The following CDH18 variants were observed in gnomAD, a reference collection of about 807,000 sequenced individuals.
CDH18 encodes the protein cadherin-18.
In CDH18, 31 loss-of-function variants were observed where a neutral mutation model predicts 67.9. That is an observed-to-expected ratio of 0.46 (90% CI 0.34 to 0.62). The LOEUF is 0.62. Ranked by LOEUF, CDH18 falls within the 20% of genes least tolerant of loss-of-function variation. CDH18 has a pLI of 0.01. For missense variants in CDH18, 890 were observed against 975.5 expected, an observed-to-expected ratio of 0.91 and a Z score of 1.17; for synonymous variants, 362 against 347.2, an observed-to-expected ratio of 1.04 and a Z score of -0.48.
chr5:19,611,681 C>A, intron 6 of CDH18, among the ~76,000 whole-genome samples: 1 of 152,020 alleles, frequency 6.6e-6, no homozygotes, highest in East Asian at 1.9e-4. Context: ...AGAGACAACT[C>A]CTCTGTAGGA....
chr5:19,574,797 C>A (rs7724888), intron 7 of CDH18, among the ~76,000 whole-genome samples: 1 of 151,432 alleles, frequency 6.6e-6, no homozygotes, highest in Non-Finnish European at 1.5e-5. Flanking sequence ...AATCCCAGCA[C>A]TTTGGGAGGC....
intron 5 of CDH18, among the ~76,000 whole-genome samples, chr5:19,690,099 A>T (rs1306753446): frequency 6.6e-6 from 1 of 151,190 alleles, no homozygotes; most frequent in Non-Finnish European, 1.5e-5. Flanking sequence ...ATATATATAC[A>T]TATATATAAA....
intron 12 of CDH18, among the ~76,000 whole-genome samples, chr5:19,482,129 T>A (rs1203162583): frequency 6.6e-6 from 1 of 152,062 alleles, no homozygotes; most frequent in Admixed American, 6.5e-5. Flanking sequence ...TATTATTATT[T>A]TTTTGAGACT....
intron 11 of CDH18, among the ~76,000 whole-genome samples, chr5:19,496,295 C>T (rs1028816021): frequency 6.6e-6 from 1 of 152,144 alleles, no homozygotes; most frequent in African/African-American, 2.4e-5. Context: ...AAAGTGACTA[C>T]AATCCTCTCT....
chr5:19,634,466 T>C (rs1411111471), intron 5 of CDH18, among the ~76,000 whole-genome samples: 1 of 152,194 alleles, frequency 6.6e-6, no homozygotes, highest in Non-Finnish European at 1.5e-5. Flanking sequence ...CATTTGGTCG[T>C]AAGGCTATTA....
At chr5:20,196,479 C>G (rs930128857) in intron 2 of CDH18, among the ~76,000 whole-genome samples, 1 of 152,140 alleles carries the variant, frequency 6.6e-6, no homozygotes, top group Non-Finnish European at 1.5e-5. Flanking sequence ...TTAGATATTA[C>G]TCTGCTTTAT....
intron 2 of CDH18, among the ~76,000 whole-genome samples, chr5:20,063,518 A>T (rs1168655168): frequency 2.0e-5 from 3 of 152,094 alleles, no homozygotes; most frequent in African/African-American, 7.2e-5. Context: ...GTAGAAAAAA[A>T]ATTTGCTTGA....
At chr5:20,561,400 G>A (rs1581202850) in intron 1 of CDH18, among the ~76,000 whole-genome samples, 1 of 152,010 alleles carries the variant, frequency 6.6e-6, no homozygotes, top group East Asian at 1.9e-4. Flanking sequence ...TGCTGCATGA[G>A]GACAATGGAA....
chr5:19,482,172 G>A (rs930618523), intron 12 of CDH18, among the ~76,000 whole-genome samples: 6 of 151,754 alleles, frequency 4.0e-5, no homozygotes, highest in Non-Finnish European at 7.4e-5. Flanking sequence ...CTGGAGTGCA[G>A]TGGCGCGATC....
intron 2 of CDH18, among the ~76,000 whole-genome samples, chr5:20,007,353 A>G (rs988237019): frequency 3.9e-5 from 6 of 152,080 alleles, no homozygotes; most frequent in African/African-American, 1.4e-4. Context: ...TTCCACAAGT[A>G]AATACATAAA....
chr5:19,475,751 C>T (rs1162053204), intron 12 of CDH18, among the ~76,000 whole-genome samples: 1 of 151,920 alleles, frequency 6.6e-6, no homozygotes, highest in Non-Finnish European at 1.5e-5. Context: ...CTGAAATTCA[C>T]ATTTATCTGG....
At chr5:20,127,483 T>C (rs1052983863) in intron 2 of CDH18, among the ~76,000 whole-genome samples, 3 of 151,986 alleles carry the variant, frequency 2.0e-5, no homozygotes, top group Non-Finnish European at 2.9e-5. Flanking sequence ...ATATGCTATA[T>C]ACAACAATGA....
At position 19,612,418 on chromosome 5, in the gene CDH18, GA is replaced by G. The variant is rs757614568; in HGVS notation, c.811+15del. On this transcript the variant is annotated intron_variant, in intron 6 of 12. Coordinates refer to ENST00000382275, the MANE Select transcript of CDH18 (RefSeq NM_004934.5). ...GAGATAATGATAAATTCAAATCATGGAAAACAAATACGTACTTTGAGGAAAG... is the reference window on the plus strand; with the variant it reads ...GAGATAATGATAAATTCAAATCATGGAAACAAATACGTACTTTGAGGAAAG... 1.9e-6 allele frequency: 3 copies of G among 1,611,790 alleles called. No homozygotes were observed. The highest frequency in any genetic ancestry group is 2.2e-5 in the East Asian group (1 of 44,824).
chr5:19,823,489 G>A (rs529516645), intron 3 of CDH18, among the ~76,000 whole-genome samples: 6 of 152,172 alleles, frequency 3.9e-5, no homozygotes, highest in East Asian at 1.9e-4. Flanking sequence ...CCCTCCGTTC[G>A]GGGTCCCTAA....
At chr5:20,043,006 A>G (rs1740584777) in intron 2 of CDH18, among the ~76,000 whole-genome samples, 2 of 151,972 alleles carry the variant, frequency 1.3e-5, no homozygotes, top group South Asian at 2.1e-4. Flanking sequence ...AAAACATTTT[A>G]TGTGTTTGTT....
rs528011141 is a variant in CDH18, at chr5:19,562,104, C to T, written c.1253+9475G>A. On this transcript the variant is annotated intron_variant, in intron 8 of 12. Transcript: ENST00000382275. The stretch of plus-strand genomic sequence containing the variant: ...GTTTTTGATGATACACTGAGGATTG[C>T]CATGAAGAGAACACTGAAATAATTT... Among the ~76,000 whole-genome samples, 11 of 152,148 alleles carry T rather than the reference C, an allele frequency of 7.2e-5. No individual in the cohort carries two copies. In the East Asian group the frequency reaches 1.5e-3, roughly 21 times the overall value.
chr5:19,584,084 G>A (rs1043837738), intron 7 of CDH18, among the ~76,000 whole-genome samples: 2 of 152,174 alleles, frequency 1.3e-5, no homozygotes, highest in African/African-American at 4.8e-5. Context: ...AAGAGACTTT[G>A]AGAAAGGCTG....
At chr5:19,647,713 T>C (rs1280202717) in intron 5 of CDH18, among the ~76,000 whole-genome samples, 1 of 151,882 alleles carries the variant, frequency 6.6e-6, no homozygotes, top group Non-Finnish European at 1.5e-5. Flanking sequence ...AAAACCTAGA[T>C]CAGCTCTGCC....
chr5:20,198,276 GT>G (rs1739150840), intron 2 of CDH18, among the ~76,000 whole-genome samples: 1 of 152,084 alleles, frequency 6.6e-6, no homozygotes, highest in Non-Finnish European at 1.5e-5. Context: ...ATGTGGGAAA[GT>G]TTGGAACTTC....
Sources: allele counts gnomAD v4.1 joint callset (sites outside exome capture counted in the v4.1 genomes callset), GRCh38; gene constraint gnomAD v4.1.1; transcripts MANE v1.5; gene names NCBI Gene and HGNC (gene_info 2026-07-23, HGNC 2026-07-21).